BBS12: variants seen among roughly 807,000 people sequenced by gnomAD.
BBS12 encodes the protein chaperonin-containing T-complex member BBS12.
Under a neutral mutation model 5.6 loss-of-function variants are expected in BBS12, and 5 were observed. The ratio of observed to expected loss-of-function variants is 0.89; its 90% confidence interval spans 0.46 to 1.86. The LOEUF is 1.86. Among genes scored for constraint, BBS12 ranks in the 40% most tolerant of loss-of-function variants. The pLI, the probability that BBS12 is intolerant of heterozygous loss-of-function variation, is 0.01. For synonymous variants in BBS12, 308 were observed against 306.8 expected (o/e 1.00, Z -0.04); for missense variants, 748 against 830.4 (o/e 0.90, Z 1.22).
Position 122,741,959 on chromosome 4 carries a change from G to C in BBS12, c.67G>C (p.Ala23Pro). 1 of 1,613,562 alleles carries C rather than the reference G, an allele frequency of 6.2e-7. No homozygotes were observed. Among genetic ancestry groups the C allele is most frequent in the Non-Finnish European group, 8.5e-7 (1 of 1,179,826 alleles). Residue 23 changes from alanine to proline, a missense_variant, in exon 2 of 2, where the codon GCG (alanine) becomes CCG (proline). Physicochemically the swap from Ala to Pro is conservative, Grantham distance 27. Transcript: ENST00000314218. ...HMGLQQLSSFAETGRTFLGPL... is the reference protein window; with the variant it reads ...HMGLQQLSSFPETGRTFLGPL... ...GGGACTTCAACAACTTTCATCATTCGCGGAAACAGGAAGAACTTTCCTAGG... is the reference window on the plus strand; with the variant it reads ...GGGACTTCAACAACTTTCATCATTCCCGGAAACAGGAAGAACTTTCCTAGG...
rs1480476254 is a variant in BBS12, at chr4:122,743,890, T to C, written c.1998T>C (p.Val666=). Residue 666 remains valine (V), a synonymous_variant, in exon 2 of 2, where the codon GTT becomes GTC. Coordinates refer to ENST00000314218, the MANE Select transcript of BBS12 (RefSeq NM_152618.3). ...LEQIPRVYDV[V]TPKIEAWRRA... ...AGATTCCGAGAGTTTATGACGTTGT[T>C]ACACCAAAGATTGAGGCGTGGCGCC... The C allele has an allele frequency of 1.9e-6, 3 of 1,604,762 alleles. No homozygotes were observed. The highest frequency in any genetic ancestry group is 2.6e-6 in the Non-Finnish European group (3 of 1,175,814).
At chr4:122,714,122 G>A in the BBS12 span, among the ~76,000 whole-genome samples, 1,556 of 152,068 alleles carry the variant, frequency 0.01, 31 homozygotes, top group African/African-American at 0.036. Context: ...TAGTAATAAG[G>A]ATGAGGCCCT....
At chr4:122,710,897 C>T in the BBS12 span, among the ~76,000 whole-genome samples, 1 of 152,104 alleles carries the variant, frequency 6.6e-6, no homozygotes, top group Admixed American at 6.5e-5. Context: ...ATGAGAGCTG[C>T]AAACACTTTC....
the BBS12 span, among the ~76,000 whole-genome samples, chr4:122,717,556 G>T: frequency 2.0e-5 from 3 of 152,096 alleles, no homozygotes; most frequent in African/African-American, 7.2e-5. Flanking sequence ...TGGAGACAAA[G>T]TCTCACTTTG....
chr4:122,738,628 T>C (rs930021357), intron 1 of BBS12, among the ~76,000 whole-genome samples: 4 of 152,220 alleles, frequency 2.6e-5, no homozygotes, highest in African/African-American at 4.8e-5. Flanking sequence ...AAGGATCTAG[T>C]GTCCAGAATG....
the BBS12 span, among the ~76,000 whole-genome samples, chr4:122,727,677 C>T: frequency 2.1e-5 from 3 of 145,412 alleles, no homozygotes; most frequent in East Asian, 2.1e-4. Flanking sequence ...TTCAGCTTCC[C>T]GAGTAGCTGG....
chr4:122,721,883 C>G, the BBS12 span, among the ~76,000 whole-genome samples: 1 of 152,148 alleles, frequency 6.6e-6, no homozygotes, highest in Non-Finnish European at 1.5e-5. Flanking sequence ...GGAAATTAAG[C>G]CTCTACCTGT....
At chr4:122,727,781 G>C (rs1337578425), upstream of BBS12, among the ~76,000 whole-genome samples, 1 of 151,566 alleles carries the variant, frequency 6.6e-6, no homozygotes, top group Non-Finnish European at 1.5e-5. Context: ...CTCGAACTCT[G>C]ATCTGCCTCC....
At chr4:122,703,115 G>A in the BBS12 span, among the ~76,000 whole-genome samples, 5 of 152,122 alleles carry the variant, frequency 3.3e-5, no homozygotes, top group Non-Finnish European at 5.9e-5. Flanking sequence ...GAGGCATATC[G>A]CCAGCTCCCT....
At chr4:122,719,852 T>G in the BBS12 span, among the ~76,000 whole-genome samples, 1 of 152,218 alleles carries the variant, frequency 6.6e-6, no homozygotes, top group Non-Finnish European at 1.5e-5. Context: ...TCAATTGAGA[T>G]GCAGAAGTAT....
chr4:122,717,502 A>G, the BBS12 span, among the ~76,000 whole-genome samples: 12 of 152,180 alleles, frequency 7.9e-5, no homozygotes, highest in African/African-American at 2.9e-4. Flanking sequence ...ACCACAAAAA[A>G]AATCACCATT....
At chr4:122,738,696 CA>C (rs1210913355) in intron 1 of BBS12, among the ~76,000 whole-genome samples, 2 of 151,972 alleles carry the variant, frequency 1.3e-5, no homozygotes, top group African/African-American at 2.4e-5. Context: ...TTTAAATGGT[CA>C]AAAGACTTGA....
rs1800894181 is a variant in BBS12 at position 122,742,447 on chromosome 4, C to T, written c.555C>T (p.Thr185=). 3 of 1,614,140 alleles carry T rather than the reference C, an allele frequency of 1.9e-6. No individual in the cohort carries two copies. Among genetic ancestry groups the T allele is most frequent in the Middle Eastern group, 1.6e-4 (1 of 6,062 alleles). The part of the protein sequence containing the change: ...GLKDVASQTL[T]ISNLSGRPLK... The stretch of plus-strand genomic sequence containing the variant: ...AAGATGTTGCCTCTCAAACACTGAC[C>T]ATTTCCAACCTTTCTGGGAGACCTC... Residue 185 remains threonine, a synonymous_variant, in exon 2 of 2, where the codon ACC becomes ACT. Transcript: ENST00000314218.
At chr4:122,718,944 C>T in the BBS12 span, among the ~76,000 whole-genome samples, 3 of 151,764 alleles carry the variant, frequency 2.0e-5, no homozygotes, top group East Asian at 1.9e-4. Flanking sequence ...CTCAGCCTCC[C>T]GAGTAGCTGG....
the BBS12 span, among the ~76,000 whole-genome samples, chr4:122,705,779 A>G: frequency 6.6e-6 from 1 of 152,242 alleles, no homozygotes; most frequent in Non-Finnish European, 1.5e-5. Flanking sequence ...GTGAAAAATA[A>G]GCTCAATTGT....
At chr4:122,720,887 T>TAA in the BBS12 span, among the ~76,000 whole-genome samples, 9,067 of 139,258 alleles carry the variant, frequency 0.065, 911 homozygotes, top group African/African-American at 0.21. Flanking sequence ...TCACTCAGAA[T>TAA]AAAAAAAAAA....
At position 122,742,765 on chromosome 4, in the gene BBS12, G is replaced by A. The variant is rs757672620; in HGVS notation, c.873G>A (p.Gln291=). 1 of 1,614,218 alleles carries A rather than the reference G, an allele frequency of 6.2e-7. No individual in the cohort carries two copies. The highest frequency in any genetic ancestry group is 1.1e-5 in the South Asian group (1 of 91,088). The part of the protein sequence containing the change: ...SSMKLVEEAV[Q]LQYQNACVQQ... The stretch of plus-strand genomic sequence containing the variant: ...TGAAGTTAGTAGAAGAAGCAGTACA[G>A]CTGCAATATCAGAATGCTTGTGTGC... The change falls in exon 2 of 2, where the codon CAG becomes CAA. Residue 291 remains glutamine (Q), a synonymous_variant. Coordinates refer to ENST00000314218, the MANE Select transcript of BBS12 (RefSeq NM_152618.3).
chr4:122,720,249 G>A, the BBS12 span, among the ~76,000 whole-genome samples: 17 of 152,218 alleles, frequency 1.1e-4, no homozygotes, highest in East Asian at 2.9e-3. Context: ...CCAGGAGTTC[G>A]AGACCAGCCT....
chr4:122,722,574 A>G, the BBS12 span, among the ~76,000 whole-genome samples: 1 of 152,128 alleles, frequency 6.6e-6, no homozygotes, highest in East Asian at 1.9e-4. Flanking sequence ...GTTTCTCTCA[A>G]TACTTCTTAA....
Sources: allele counts gnomAD v4.1 joint callset (sites outside exome capture counted in the v4.1 genomes callset), GRCh38; gene constraint gnomAD v4.1.1; transcripts MANE v1.5; gene names NCBI Gene and HGNC (gene_info 2026-07-23, HGNC 2026-07-21).